SLIT3: variants seen among roughly 807,000 people sequenced by gnomAD.
SLIT3 encodes slit homolog 3 protein.
In SLIT3, 68 loss-of-function variants were observed where a neutral mutation model predicts 184.0. The observed-to-expected ratio is 0.37, with a 90% confidence interval of 0.30 to 0.45. The LOEUF (loss-of-function observed/expected upper bound fraction) is 0.45, where lower values mean the gene tolerates loss of function less well. Ranked by LOEUF, SLIT3 falls within the 20% of genes least tolerant of loss-of-function variation. The probability of loss-of-function intolerance (pLI) is 1.00; values close to 1 mark genes in which losing one functional copy is unlikely to be tolerated. For synonymous variants in SLIT3, 831 were observed against 828.6 expected, an observed-to-expected ratio of 1.00 and a Z score of -0.05; for missense variants, 1,707 against 2,026.0, an observed-to-expected ratio of 0.84 and a Z score of 3.02.
rs145734621 is a variant in SLIT3 at position 168,727,679 on chromosome 5, C to T, written c.2271-3195G>A. ...CTGTACTCACCCTCTGCCCTCCCTG[C>T]ATGAAAGGCTGTGGGGTATTTGCAT... On this transcript the variant is annotated intron_variant, in intron 20 of 35. Coordinates refer to ENST00000519560, the MANE Select transcript of SLIT3 (RefSeq NM_003062.4). Among the ~76,000 whole-genome samples the T allele has an allele frequency of 3.6e-3, 542 of 152,344 alleles. 3 individuals are homozygous for T. The highest frequency in any genetic ancestry group is 6.8e-3 in the Middle Eastern group (2 of 294).
chr5:168,955,411 C>A (rs114041645), intron 4 of SLIT3, among the ~76,000 whole-genome samples: 2 of 152,044 alleles, frequency 1.3e-5, no homozygotes, highest in African/African-American at 4.8e-5. Flanking sequence ...GCTCCCCACT[C>A]TCCCTCCCCA....
At chr5:169,228,606 A>G (rs757166129) in intron 3 of SLIT3, among the ~76,000 whole-genome samples, 2 of 152,208 alleles carry the variant, frequency 1.3e-5, no homozygotes, top group Non-Finnish European at 2.9e-5. Context: ...TACTTCATGT[A>G]TGCTTGTTTG....
chr5:169,243,321 C>T (rs1197690018), intron 3 of SLIT3, among the ~76,000 whole-genome samples: 5 of 152,128 alleles, frequency 3.3e-5, no homozygotes, highest in African/African-American at 4.8e-5. Flanking sequence ...ATATTTCATA[C>T]AAAGGAACCA....
At chr5:168,793,392 AC>A (rs1461409497) in intron 10 of SLIT3, among the ~76,000 whole-genome samples, 2 of 152,002 alleles carry the variant, frequency 1.3e-5, no homozygotes, top group East Asian at 3.9e-4. Context: ...CTCACCAGGG[AC>A]CCTACCTCTC....
chr5:169,051,864 A>G (rs895663891), intron 4 of SLIT3, among the ~76,000 whole-genome samples: 1 of 152,112 alleles, frequency 6.6e-6, no homozygotes, highest in Non-Finnish European at 1.5e-5. Context: ...GGCAGAGAGA[A>G]CACTAGCACT....
chr5:168,762,926 C>T (rs925064057), intron 14 of SLIT3, among the ~76,000 whole-genome samples: 1 of 152,116 alleles, frequency 6.6e-6, no homozygotes, highest in Admixed American at 6.5e-5. Context: ...CTCAGGAAGA[C>T]CAGACTCAAG....
chr5:169,069,274 C>G (rs759562792), intron 4 of SLIT3, among the ~76,000 whole-genome samples: 1 of 152,216 alleles, frequency 6.6e-6, no homozygotes, highest in East Asian at 1.9e-4. Flanking sequence ...CTGCTGGGTA[C>G]CACCTTCCAG....
At chr5:168,702,705 T>C (rs921944070) in intron 26 of SLIT3, among the ~76,000 whole-genome samples, 34 of 152,016 alleles carry the variant, frequency 2.2e-4, no homozygotes, top group African/African-American at 6.3e-4. Context: ...ATGATGATGA[T>C]GATGATGATG....
At chr5:169,024,905 A>T (rs932094817) in intron 4 of SLIT3, 2 of 152,342 alleles carry the variant, frequency 1.3e-5, no homozygotes, top group African/African-American at 4.8e-5. Flanking sequence ...TTAGAGAACA[A>T]CTGCCGCTCC....
At chr5:169,137,151 C>A (rs1446607383) in intron 4 of SLIT3, among the ~76,000 whole-genome samples, 1 of 152,114 alleles carries the variant, frequency 6.6e-6, no homozygotes, top group East Asian at 1.9e-4. Context: ...AGATTCAGAC[C>A]ATCAGGCCTT....
At chr5:168,825,832 C>G (rs1757686110) in intron 6 of SLIT3, among the ~76,000 whole-genome samples, 1 of 152,206 alleles carries the variant, frequency 6.6e-6, no homozygotes, top group Non-Finnish European at 1.5e-5. Flanking sequence ...GCTTCTCTCC[C>G]CTTCTTCATT....
At chr5:169,256,449 G>C (rs1303884948) in intron 1 of SLIT3, among the ~76,000 whole-genome samples, 3 of 152,214 alleles carry the variant, frequency 2.0e-5, no homozygotes, top group Non-Finnish European at 4.4e-5. Flanking sequence ...TGTGTAGTAG[G>C]CTAGACCATC....
chr5:168,851,245 C>G (rs1174113728), intron 5 of SLIT3, among the ~76,000 whole-genome samples: 1 of 150,174 alleles, frequency 6.7e-6, no homozygotes. Flanking sequence ...ATGGCGTGAA[C>G]CCGGGAGGCG....
At chr5:169,114,082 A>T (rs1561673677) in intron 4 of SLIT3, among the ~76,000 whole-genome samples, 1 of 152,148 alleles carries the variant, frequency 6.6e-6, no homozygotes, top group African/African-American at 2.4e-5. Context: ...GAGACTCTTC[A>T]TCCCTAGCAG....
At chr5:168,753,731 G>T (rs1754797372) in intron 17 of SLIT3, 133 bp downstream of exon 17, 10 of 1,064,440 alleles carry the variant, frequency 9.4e-6, no homozygotes, top group Non-Finnish European at 1.1e-5. Flanking sequence ...TGATGACTCT[G>T]ACTCCAGGAA....
intron 4 of SLIT3, among the ~76,000 whole-genome samples, chr5:169,147,845 A>C (rs1447154066): frequency 6.6e-6 from 1 of 151,496 alleles, no homozygotes; most frequent in East Asian, 1.9e-4. Context: ...CCTGATGTTG[A>C]CTCTCTCAGT....
At chr5:168,869,174 A>G (rs1181135694) in intron 5 of SLIT3, among the ~76,000 whole-genome samples, 3 of 152,220 alleles carry the variant, frequency 2.0e-5, no homozygotes. Flanking sequence ...TTGAAACCCC[A>G]TAAAAAGAAA....
intron 4 of SLIT3, among the ~76,000 whole-genome samples, chr5:169,010,748 A>G (rs1161495631): frequency 1.3e-5 from 2 of 151,982 alleles, no homozygotes; most frequent in East Asian, 3.9e-4. Flanking sequence ...CCAAAATACA[A>G]AACAATTAGC....
At position 169,225,959 on chromosome 5, in the gene SLIT3, G is replaced by A. The variant is rs543952655; in HGVS notation, c.341+18746C>T. Among the ~76,000 whole-genome samples, 6 of 152,312 alleles carry A rather than the reference G, an allele frequency of 3.9e-5. No individual in the cohort carries two copies. The South Asian group carries it at 1.0e-3, about 26-fold the overall frequency. ...GTGGGGCCAGAGTGGAAGCAGACAGGGAAGAGAGGAGGTCTGCAGTCCTTT... is the reference window on the plus strand; with the variant it reads ...GTGGGGCCAGAGTGGAAGCAGACAGAGAAGAGAGGAGGTCTGCAGTCCTTT... On this transcript the variant is annotated intron_variant, in intron 3 of 35. Coordinates refer to ENST00000519560, the MANE Select transcript of SLIT3 (RefSeq NM_003062.4).
Sources: gnomAD v4.1 joint callset for allele counts (sites outside exome capture counted in the v4.1 genomes callset) on GRCh38, gnomAD v4.1.1 for gene constraint, MANE v1.5 for transcripts, NCBI Gene and HGNC (gene_info 2026-07-23, HGNC 2026-07-21) for gene names.